The following BMPR1B variants were observed in gnomAD, a reference collection of about 807,000 sequenced individuals.
BMPR1B encodes bone morphogenetic protein receptor type 1B, also known as bone morphogenetic protein receptor type-1B.
A neutral mutation model predicts 59.1 loss-of-function variants in BMPR1B; 12 were observed. The ratio of observed to expected loss-of-function variants is 0.20; its 90% confidence interval spans 0.13 to 0.33. BMPR1B has a LOEUF of 0.33. Among genes scored for constraint, BMPR1B ranks in the 10% least tolerant of loss-of-function variants. The pLI is 1.00. For missense variants in BMPR1B, 550 were observed against 610.9 expected (o/e 0.90, Z 1.05); for synonymous variants, 237 against 207.3 (o/e 1.14, Z -1.23).
intron 1 of BMPR1B, among the ~76,000 whole-genome samples, chr4:94,789,806 A>G (rs1722907202): frequency 6.6e-6 from 1 of 152,140 alleles, no homozygotes; most frequent in East Asian, 1.9e-4. Context: ...TAGCTTATAA[A>G]AAATATACAT....
At chr4:95,152,855 G>T in intron 12 of BMPR1B, 82 bp downstream of exon 12, 1 of 1,531,760 alleles carries the variant, frequency 6.5e-7, no homozygotes, top group African/African-American at 1.4e-5. Context: ...CATATTGATT[G>T]TAGGAATTCT....
At chr4:95,125,226 G>C (rs1193644225) in intron 8 of BMPR1B, 105 bp downstream of exon 8, 3 of 1,428,176 alleles carry the variant, frequency 2.1e-6, no homozygotes, top group Non-Finnish European at 2.9e-6. Flanking sequence ...CAAGGAGAAA[G>C]CTCTATGCAG....
At chr4:94,880,283 C>T (rs1726906412) in intron 2 of BMPR1B, among the ~76,000 whole-genome samples, 1 of 151,960 alleles carries the variant, frequency 6.6e-6, no homozygotes, top group Non-Finnish European at 1.5e-5. Context: ...GCAAATATGC[C>T]CTAAAAACAA....
chr4:95,026,158 C>CTTTCTTTCTTTCTTTCTTTCTTTCTCTT (rs1260196018), intron 3 of BMPR1B, among the ~76,000 whole-genome samples: 2 of 146,704 alleles, frequency 1.4e-5, no homozygotes, highest in African/African-American at 5.1e-5. Context: ...TTCTTTCTTT[C>CTTTCTTTCTTTCTTTCTTTCTTTCTCTT]TTTCTCTTTT....
chr4:94,780,641 G>A (rs1722551675), intron 1 of BMPR1B, among the ~76,000 whole-genome samples: 1 of 150,748 alleles, frequency 6.6e-6, no homozygotes, highest in Non-Finnish European at 1.5e-5. Flanking sequence ...TAGTATATGA[G>A]GTGTCAGTTT....
rs113493275 is a variant in BMPR1B at position 95,075,207 on chromosome 4, C to T, written c.-17-29201C>T. ...TTTAATAATAATTAGGCATAGTTTC[C>T]ACTGGAATTTTTACTGTTTTCACCA... On this transcript the variant is annotated intron_variant, in intron 3 of 12. Coordinates refer to ENST00000515059, the MANE Select transcript of BMPR1B (RefSeq NM_001203.3). Among the ~76,000 whole-genome samples the T allele has an allele frequency of 7.3e-3, 1,116 of 152,112 alleles. 14 individuals carry two copies. Among genetic ancestry groups the T allele is most frequent in the African/African-American group, 0.025 (1,039 of 41,500 alleles).
chr4:95,037,875 C>T (rs780473600), intron 3 of BMPR1B, among the ~76,000 whole-genome samples: 9 of 151,982 alleles, frequency 5.9e-5, no homozygotes, highest in Admixed American at 2.0e-4. Flanking sequence ...ATTGGGGGAA[C>T]GTAAGTGGAC....
In BMPR1B at chr4:94,998,060, A is replaced by T. The variant is rs928616806; in HGVS notation, c.-18+1926A>T. On this transcript the variant is annotated intron_variant, in intron 3 of 12. Coordinates refer to ENST00000515059, the MANE Select transcript of BMPR1B (RefSeq NM_001203.3). ...AATCAAGAAGAAATACAAAATTGTG[A>T]CACTGGTTGATAATGTCTACATTAG... Among the ~76,000 whole-genome samples the T allele has an allele frequency of 5.3e-5, 8 of 152,322 alleles. No individual in the cohort carries two copies. The South Asian group carries it at 1.7e-3, about 32-fold the overall frequency.
chr4:94,840,401 A>G (rs1477238733), intron 1 of BMPR1B, among the ~76,000 whole-genome samples: 4 of 148,256 alleles, frequency 2.7e-5, no homozygotes, highest in Admixed American at 6.7e-5. Context: ...AGGTACACCA[A>G]TCAGATGTAG....
intron 2 of BMPR1B, among the ~76,000 whole-genome samples, chr4:94,902,092 G>GTATT (rs1727840750): frequency 8.6e-6 from 1 of 116,740 alleles, no homozygotes; most frequent in Non-Finnish European, 1.7e-5. Context: ...TGTGTGGGGT[G>GTATT]TATTTAAAGG....
chr4:94,789,848 A>T (rs928750426), intron 1 of BMPR1B, among the ~76,000 whole-genome samples: 1 of 152,090 alleles, frequency 6.6e-6, no homozygotes, highest in Admixed American at 6.6e-5. Context: ...TTTAAACTGG[A>T]TGGGTTCACT....
chr4:95,114,674 T>C, intron 4 of BMPR1B, 46 bp from the exon 5 acceptor site: 1 of 1,428,236 alleles, frequency 7.0e-7, no homozygotes, highest in Non-Finnish European at 9.9e-7. Context: ...ACACACTGAC[T>C]CACACACACA....
intron 3 of BMPR1B, among the ~76,000 whole-genome samples, chr4:95,020,040 G>A (rs1723860584): frequency 6.6e-6 from 1 of 152,110 alleles, no homozygotes. Context: ...AATAAAGTTT[G>A]ATTATATTTG....
intron 1 of BMPR1B, among the ~76,000 whole-genome samples, chr4:94,802,497 G>C (rs1723445304): frequency 6.6e-6 from 1 of 152,182 alleles, no homozygotes; most frequent in Admixed American, 6.5e-5. Flanking sequence ...AATAGAGAAG[G>C]CGTTGTGGTG....
At chr4:94,834,863 C>G (rs1724739913) in intron 1 of BMPR1B, among the ~76,000 whole-genome samples, 1 of 151,448 alleles carries the variant, frequency 6.6e-6, no homozygotes, top group South Asian at 2.1e-4. Flanking sequence ...TAAGTTCTTT[C>G]CTACTTCTTG....
intron 10 of BMPR1B, among the ~76,000 whole-genome samples, chr4:95,144,478 CTTTTTTT>C (rs33917101): frequency 6.7e-6 from 1 of 149,556 alleles, no homozygotes. Context: ...CACACCAGGC[CTTTTTTT>C]TTTTTAAAAA....
chr4:94,921,009 A>G (rs1339499978), intron 2 of BMPR1B, among the ~76,000 whole-genome samples: 1 of 152,144 alleles, frequency 6.6e-6, no homozygotes, highest in African/African-American at 2.4e-5. Context: ...GTTTTTACCC[A>G]TTTTAACCAT....
intron 1 of BMPR1B, among the ~76,000 whole-genome samples, chr4:94,792,639 A>G (rs1723027401): frequency 6.6e-6 from 1 of 152,156 alleles, no homozygotes; most frequent in Non-Finnish European, 1.5e-5. Context: ...ATTGTCTGGT[A>G]TCCTTGTTAC....
chr4:94,989,840 A>G (rs1721630467), intron 2 of BMPR1B, among the ~76,000 whole-genome samples: 1 of 152,162 alleles, frequency 6.6e-6, no homozygotes, highest in Non-Finnish European at 1.5e-5. Context: ...TTATTTGGTC[A>G]TGGGGTTTTC....
Sources: allele counts gnomAD v4.1 joint callset (sites outside exome capture counted in the v4.1 genomes callset), GRCh38; gene constraint gnomAD v4.1.1; transcripts MANE v1.5; gene names NCBI Gene and HGNC (gene_info 2026-07-23, HGNC 2026-07-21).